PIP5K1B: variants seen among roughly 807,000 people sequenced by gnomAD.
PIP5K1B encodes phosphatidylinositol 4-phosphate 5-kinase type-1 beta.
Under a neutral mutation model 67.0 loss-of-function variants are expected in PIP5K1B, and 42 were observed. The observed-to-expected ratio is 0.63, with a 90% CI of 0.49 to 0.81. The LOEUF (loss-of-function observed/expected upper bound fraction) is 0.81. Ranked by LOEUF, PIP5K1B falls within the 30% of genes least tolerant of loss-of-function variation. PIP5K1B has a pLI of 0.00. For synonymous variants in PIP5K1B, 214 were observed against 231.4 expected (o/e 0.92, Z 0.68); for missense variants, 459 against 646.3 (o/e 0.71, Z 3.14).
intron 1 of PIP5K1B, among the ~76,000 whole-genome samples, chr9:68,710,788 T>C (rs1291908936): frequency 6.6e-6 from 1 of 152,262 alleles, no homozygotes; most frequent in African/African-American, 2.4e-5. Context: ...CTGTATTGTT[T>C]ATGGGACTCA....
At chr9:68,908,265 C>T (rs938516180) in intron 8 of PIP5K1B, among the ~76,000 whole-genome samples, 3 of 152,066 alleles carry the variant, frequency 2.0e-5, no homozygotes, top group African/African-American at 7.2e-5. Context: ...TTTATGAAGA[C>T]ATCTTTATTT....
At chr9:68,963,133 C>T (rs1326091222) in intron 14 of PIP5K1B, 1 of 456,072 alleles carries the variant, frequency 2.2e-6, no homozygotes, top group Non-Finnish European at 4.4e-6. Context: ...GCTACATTTG[C>T]AGCATCTCAA....
intron 8 of PIP5K1B, among the ~76,000 whole-genome samples, chr9:68,897,468 G>A (rs191377539): frequency 8.3e-4 from 127 of 152,240 alleles, no homozygotes; most frequent in Non-Finnish European, 1.1e-3. Context: ...AGCTTTCTCC[G>A]GATAGGCAAA....
At chr9:68,956,852 G>C (rs1049221563) in intron 14 of PIP5K1B, among the ~76,000 whole-genome samples, 1 of 152,146 alleles carries the variant, frequency 6.6e-6, no homozygotes, top group Non-Finnish European at 1.5e-5. Context: ...CTTCAAGGTA[G>C]GGAGGAGTCC....
chr9:68,926,944 G>A (rs568080234), intron 12 of PIP5K1B, among the ~76,000 whole-genome samples: 8 of 152,102 alleles, frequency 5.3e-5, no homozygotes, highest in East Asian at 1.9e-4. Context: ...TCCCCATTCC[G>A]TCCTCTTCCC....
chr9:68,705,620 G>GC lies in PIP5K1B; in HGVS notation c.-382dup, dbSNP rs1564078327. Reference sequence around the variant, plus strand: ...CCCGGCCCCGCCCGCCGCCCCCTCCGCCCTCCCGCCCCTCCCGCCCCTCCC... The same window carrying GC: ...CCCGGCCCCGCCCGCCGCCCCCTCCGCCCCTCCCGCCCCTCCCGCCCCTCCC... On this transcript the variant is annotated 5_prime_UTR_variant, in exon 1 of 16. Transcript: ENST00000265382. The GC allele has an allele frequency of 2.6e-3, 33 of 12,712 alleles. No homozygotes were observed. The highest frequency in any genetic ancestry group is 4.5e-3 in the Non-Finnish European group (25 of 5,590). 0.8% of individuals were successfully genotyped at this position (12,712 alleles called of 1,614,324 possible).
At chr9:68,716,772 A>G (rs553063781) in intron 1 of PIP5K1B, among the ~76,000 whole-genome samples, 11 of 152,360 alleles carry the variant, frequency 7.2e-5, no homozygotes, top group African/African-American at 1.9e-4. Context: ...TTGTTTTATC[A>G]GAAAGACACC....
rs181248081 is a variant in PIP5K1B at position 68,925,235 on chromosome 9, G to A, written c.1201+1849G>A. The stretch of plus-strand genomic sequence containing the variant: ...TTTATGAACATAATTTCAGATAAAC[G>A]TTGTGTCCAAATTTAGGATTATTTC... On this transcript the variant is annotated intron_variant, in intron 12 of 15. Coordinates refer to ENST00000265382, the MANE Select transcript of PIP5K1B (RefSeq NM_003558.4). Among the ~76,000 whole-genome samples the A allele has an allele frequency of 9.2e-5, 14 of 151,778 alleles. No homozygotes were observed. In the East Asian group the frequency reaches 2.7e-3, roughly 29 times the overall value.
chr9:68,762,781 A>G (rs1358934880), intron 2 of PIP5K1B, among the ~76,000 whole-genome samples: 1 of 152,126 alleles, frequency 6.6e-6, no homozygotes, highest in Non-Finnish European at 1.5e-5. Flanking sequence ...TCAGCCACTT[A>G]GTCACTTAGA....
At chr9:68,799,191 C>G (rs1832456511) in intron 2 of PIP5K1B, among the ~76,000 whole-genome samples, 1 of 152,174 alleles carries the variant, frequency 6.6e-6, no homozygotes, top group Non-Finnish European at 1.5e-5. Context: ...GATAAGCACA[C>G]CTTCCATCAA....
chr9:68,799,175 A>G (rs1413034668), intron 2 of PIP5K1B, among the ~76,000 whole-genome samples: 1 of 152,224 alleles, frequency 6.6e-6, no homozygotes, highest in Non-Finnish European at 1.5e-5. Flanking sequence ...CTAAAATTAT[A>G]TTTGAGATAA....
chr9:68,947,344 A>T (rs1189280610), intron 14 of PIP5K1B, among the ~76,000 whole-genome samples: 1 of 152,216 alleles, frequency 6.6e-6, no homozygotes, highest in Non-Finnish European at 1.5e-5. Context: ...GCAAGAACAT[A>T]GCCACCTCCA....
intron 1 of PIP5K1B, among the ~76,000 whole-genome samples, chr9:68,728,231 A>G (rs754891878): frequency 2.6e-4 from 40 of 152,298 alleles, no homozygotes; most frequent in East Asian, 1.7e-3. Context: ...TTTATTTCAC[A>G]CAGTTCTGAA....
At chr9:68,725,127 C>CTATA (rs1266102848) in intron 1 of PIP5K1B, among the ~76,000 whole-genome samples, 3 of 152,308 alleles carry the variant, frequency 2.0e-5, no homozygotes, top group Admixed American at 6.5e-5. Flanking sequence ...ACTACACCTA[C>CTATA]TATAGCTTCT....
Position 68,815,278 on chromosome 9 carries a change from AG to A in PIP5K1B, c.-85-3182del, listed in dbSNP as rs1442734639. On this transcript the variant is annotated intron_variant, in intron 2 of 15. Coordinates refer to ENST00000265382, the MANE Select transcript of PIP5K1B (RefSeq NM_003558.4). ...GCTTTTGGTACTATTAAAAAAAAAA[AG>A]AGTGAAAAATAAGCTAAATATTGCA... Among the ~76,000 whole-genome samples, 18 of 151,506 alleles carry A rather than the reference AG, an allele frequency of 1.2e-4. No homozygotes were observed. In the South Asian group the frequency reaches 1.5e-3, roughly 12 times the overall value.
chr9:68,756,627 T>C (rs1001567642), intron 2 of PIP5K1B, among the ~76,000 whole-genome samples: 6 of 152,146 alleles, frequency 3.9e-5, no homozygotes, highest in African/African-American at 1.4e-4. Flanking sequence ...ATGTTATTCT[T>C]CTCTCTATAT....
intron 1 of PIP5K1B, among the ~76,000 whole-genome samples, chr9:68,716,379 GA>G (rs1827634902): frequency 6.6e-6 from 1 of 152,174 alleles, no homozygotes; most frequent in Admixed American, 6.5e-5. Flanking sequence ...AAAGCTAATA[GA>G]ACCTAATTAT....
chr9:68,787,780 G>T (rs1209682160), intron 2 of PIP5K1B, among the ~76,000 whole-genome samples: 2 of 152,018 alleles, frequency 1.3e-5, no homozygotes, highest in African/African-American at 4.8e-5. Flanking sequence ...CTACAGGCAT[G>T]TGCCACCATG....
intron 2 of PIP5K1B, among the ~76,000 whole-genome samples, chr9:68,812,133 G>A (rs555549832): frequency 6.6e-6 from 1 of 152,180 alleles, no homozygotes; most frequent in Non-Finnish European, 1.5e-5. Context: ...CAGCAAGAGA[G>A]CCCAGCTCAG....
Sources: allele counts gnomAD v4.1 joint callset (sites outside exome capture counted in the v4.1 genomes callset), GRCh38; gene constraint gnomAD v4.1.1; transcripts MANE v1.5; gene names NCBI Gene and HGNC (gene_info 2026-07-23, HGNC 2026-07-21).